PLPPR1: variants seen among roughly 807,000 people sequenced by gnomAD.
The protein encoded by PLPPR1 is phospholipid phosphatase related 1.
PLPPR1 carries 10 observed loss-of-function variants against 33.1 expected under a neutral mutation model. The observed-to-expected ratio is 0.30, with a 90% confidence interval of 0.19 to 0.51. The LOEUF (loss-of-function observed/expected upper bound fraction) is 0.51, where lower values mean the gene tolerates loss of function less well. Among genes scored for constraint, PLPPR1 ranks in the 20% least tolerant of loss-of-function variants. The probability of loss-of-function intolerance (pLI) is 0.97; values close to 1 mark genes in which losing one functional copy is unlikely to be tolerated. For synonymous variants in PLPPR1, 151 were observed against 151.0 expected (o/e 1.00, Z 0.00); for missense variants, 304 against 408.1 (o/e 0.74, Z 2.20).
chr9:101,116,884 TC>T (rs1464411188), intron 1 of PLPPR1, among the ~76,000 whole-genome samples: 2 of 152,050 alleles, frequency 1.3e-5, no homozygotes, highest in African/African-American at 4.8e-5. Context: ...CACTTATTAA[TC>T]TTCCAAATAT....
chr9:101,082,435 AT>A (rs1310721800), intron 1 of PLPPR1, among the ~76,000 whole-genome samples: 3 of 151,900 alleles, frequency 2.0e-5, no homozygotes, highest in African/African-American at 7.3e-5. Context: ...TTTTATTTTT[AT>A]TTTTTTAGGA....
intron 3 of PLPPR1, among the ~76,000 whole-genome samples, chr9:101,276,004 C>T (rs551075434): frequency 6.6e-6 from 1 of 152,142 alleles, no homozygotes; most frequent in South Asian, 2.1e-4. Context: ...ATGTAAAAAC[C>T]CAGAGCACAG....
At chr9:101,200,868 A>C (rs760005592) in intron 2 of PLPPR1, among the ~76,000 whole-genome samples, 1 of 152,240 alleles carries the variant, frequency 6.6e-6, no homozygotes, top group Non-Finnish European at 1.5e-5. Flanking sequence ...AATCACAGAA[A>C]AAAAGTAAAG....
intron 1 of PLPPR1, among the ~76,000 whole-genome samples, chr9:101,035,287 G>A (rs1449016503): frequency 6.6e-6 from 1 of 152,112 alleles, no homozygotes; most frequent in East Asian, 1.9e-4. Flanking sequence ...CTAGCTATTT[G>A]GCAGCAGGGC....
At chr9:101,096,688 G>A (rs574041009) in intron 1 of PLPPR1, among the ~76,000 whole-genome samples, 6 of 152,154 alleles carry the variant, frequency 3.9e-5, no homozygotes, top group Non-Finnish European at 8.8e-5. Flanking sequence ...AATATCTCAG[G>A]AATAACATCT....
chr9:101,320,326 C>G (rs1829131545), intron 7 of PLPPR1, among the ~76,000 whole-genome samples: 1 of 152,194 alleles, frequency 6.6e-6, no homozygotes, highest in African/African-American at 2.4e-5. Context: ...TCCCTCATGT[C>G]TGCCTCCTCC....
intron 2 of PLPPR1, among the ~76,000 whole-genome samples, chr9:101,229,965 G>A (rs752078316): frequency 1.3e-5 from 2 of 152,086 alleles, no homozygotes; most frequent in African/African-American, 4.8e-5. Flanking sequence ...AAAGATGTGG[G>A]TATTTTCTCT....
intron 1 of PLPPR1, among the ~76,000 whole-genome samples, chr9:101,111,837 C>T (rs897648763): frequency 6.6e-6 from 1 of 152,078 alleles, no homozygotes; most frequent in Non-Finnish European, 1.5e-5. Context: ...TATCTGTCCA[C>T]CCAACCTACC....
intron 2 of PLPPR1, among the ~76,000 whole-genome samples, chr9:101,228,873 C>T (rs533762419): frequency 1.3e-5 from 2 of 152,092 alleles, no homozygotes; most frequent in East Asian, 1.9e-4. Flanking sequence ...AATAGAAACT[C>T]GCAGGAGAAA....
chr9:101,315,290 A>C (rs1454239202), intron 6 of PLPPR1, among the ~76,000 whole-genome samples: 2 of 152,188 alleles, frequency 1.3e-5, no homozygotes, highest in Non-Finnish European at 2.9e-5. Flanking sequence ...AAGGAAAGAA[A>C]ACAGGTGACT....
chr9:101,193,755 G>A (rs12352151), intron 2 of PLPPR1, among the ~76,000 whole-genome samples: 19,231 of 152,106 alleles, frequency 0.13, 1,480 homozygotes, highest in East Asian at 0.3. Flanking sequence ...AAATGAAAAG[G>A]TATAGAGGAG....
intron 2 of PLPPR1, among the ~76,000 whole-genome samples, chr9:101,249,296 T>C (rs1827673787): frequency 6.6e-6 from 1 of 152,058 alleles, no homozygotes; most frequent in African/African-American, 2.4e-5. Flanking sequence ...GGGTACTTCT[T>C]TAAGTGAGCT....
chr9:101,114,519 A>T (rs1029337993), intron 1 of PLPPR1, among the ~76,000 whole-genome samples: 2 of 152,142 alleles, frequency 1.3e-5, no homozygotes, highest in African/African-American at 4.8e-5. Flanking sequence ...GCAGGGAGAG[A>T]GGTAGGAGTA....
At chr9:101,067,961 T>A (rs1397805160) in intron 1 of PLPPR1, among the ~76,000 whole-genome samples, 1 of 152,080 alleles carries the variant, frequency 6.6e-6, no homozygotes, top group East Asian at 1.9e-4. Flanking sequence ...TTGTGAGAAT[T>A]ATTTGAGGCA....
chr9:101,040,551 G>C (rs1030488655), intron 1 of PLPPR1, among the ~76,000 whole-genome samples: 11 of 152,220 alleles, frequency 7.2e-5, no homozygotes, highest in Admixed American at 5.2e-4. Context: ...TTTCATCTCA[G>C]GGTCTTTGCG....
chr9:101,088,507 G>A (rs569593298), intron 1 of PLPPR1, among the ~76,000 whole-genome samples: 1 of 152,210 alleles, frequency 6.6e-6, no homozygotes, highest in Admixed American at 6.5e-5. Flanking sequence ...GAAATTGCCA[G>A]ATGAATAGCA....
At chr9:101,031,478 C>T (rs1335258477) in intron 1 of PLPPR1, among the ~76,000 whole-genome samples, 3 of 152,164 alleles carry the variant, frequency 2.0e-5, no homozygotes, top group Non-Finnish European at 2.9e-5. Flanking sequence ...ACTATGAGCT[C>T]TTAACGTGTA....
At chr9:101,143,756 C>T (rs371126826) in intron 1 of PLPPR1, among the ~76,000 whole-genome samples, 8 of 152,002 alleles carry the variant, frequency 5.3e-5, no homozygotes, top group Non-Finnish European at 7.4e-5. Context: ...GTTAGAATGG[C>T]GATCATTAAA....
intron 1 of PLPPR1, among the ~76,000 whole-genome samples, chr9:101,143,735 A>G (rs539885473): frequency 3.9e-4 from 59 of 152,320 alleles, no homozygotes; most frequent in Admixed American, 2.4e-3. Context: ...ATGAGATACC[A>G]TCTCACACCA....
Sources: allele counts gnomAD v4.1 joint callset (sites outside exome capture counted in the v4.1 genomes callset), GRCh38; gene constraint gnomAD v4.1.1; transcripts MANE v1.5; gene names NCBI Gene and HGNC (gene_info 2026-07-23, HGNC 2026-07-21).